Variants in MTG1 observed in about 807,000 individuals in gnomAD.
MTG1 encodes mitochondrial ribosome-associated GTPase 1.
Under a neutral mutation model 39.5 loss-of-function variants are expected in MTG1, and 30 were observed. The observed-to-expected ratio is 0.76, with a 90% CI of 0.57 to 1.03. The LOEUF is 1.03. Among genes scored for constraint, MTG1 ranks in the 50% least tolerant of loss-of-function variants. The pLI is 0.00. For synonymous variants in MTG1, 217 were observed against 179.0 expected, an observed-to-expected ratio of 1.21 and a Z score of -1.69; for missense variants, 513 against 447.4, an observed-to-expected ratio of 1.15 and a Z score of -1.32.
chr10:133,419,429 G>A (rs776243033), intron 9 of MTG1, 51 bp from the exon 10 acceptor site: 13 of 1,491,716 alleles, frequency 8.7e-6, no homozygotes, highest in East Asian at 2.5e-5. Context: ...CTGGCTGGCC[G>A]CGCGGTGTCA....
intron 3 of MTG1, among the ~76,000 whole-genome samples, chr10:133,398,196 TATG>T (rs1057355670): frequency 3.9e-5 from 6 of 152,216 alleles, no homozygotes; most frequent in Admixed American, 3.9e-4. Flanking sequence ...TGTTTAGAAA[TATG>T]ATACTGCTTT....
chr10:133,395,867 G>T, intron 2 of MTG1, 90 bp downstream of exon 2: 1 of 1,338,896 alleles, frequency 7.5e-7, no homozygotes. Context: ...AATATGAATT[G>T]CGAGGCCCCT....
rs544089921 is a variant in MTG1, at chr10:133,407,884, G to A, written c.752+5111G>A. Among the ~76,000 whole-genome samples, 27 of 152,212 alleles carry A rather than the reference G, an allele frequency of 1.8e-4. No individual in the cohort carries two copies. In the South Asian group the frequency reaches 5.0e-3, roughly 28 times the overall value. ...CGTGCCTGGCCTGATTTCTTTTTCCGATTACCTGCTGCTGATTTTTTTATG... is the reference window on the plus strand; with the variant it reads ...CGTGCCTGGCCTGATTTCTTTTTCCAATTACCTGCTGCTGATTTTTTTATG... On this transcript the variant is annotated intron_variant, in intron 9 of 10. Coordinates refer to ENST00000317502, the MANE Select transcript of MTG1 (RefSeq NM_138384.4).
rs771677512 is a variant in MTG1 at position 133,401,545 on chromosome 10, G to T, written c.528G>T (p.Val176=). ...TTCCTACAGGGAAAGCCACCAGGGT[G>T]GGTGGCGAGCCTGGGATCACCAGAG... The part of the protein sequence containing the change: ...QHLRKGKATR[V]GGEPGITRAV... The change falls in exon 7 of 11, where the codon GTG becomes GTT. Residue 176 remains valine, a synonymous_variant. Coordinates refer to ENST00000317502, the MANE Select transcript of MTG1 (RefSeq NM_138384.4). 1 of 1,588,676 alleles carries T rather than the reference G, an allele frequency of 6.3e-7. No homozygotes were observed. The highest frequency in any genetic ancestry group is 8.6e-7 in the Non-Finnish European group (1 of 1,165,496).
intron 9 of MTG1, among the ~76,000 whole-genome samples, chr10:133,404,900 C>T (rs1209378053): frequency 3.3e-5 from 5 of 152,094 alleles, no homozygotes; most frequent in Non-Finnish European, 7.3e-5. Context: ...TCTGTGTGAC[C>T]GACCGTCTTG....
Position 133,402,504 on chromosome 10 carries a change from G to A in MTG1, c.671-188G>A. The A allele has an allele frequency of 1.4e-6, 1 of 694,618 alleles. No individual in the cohort carries two copies. Among genetic ancestry groups the A allele is most frequent in the Non-Finnish European group, 2.4e-6 (1 of 414,238 alleles). 43.0% of individuals were successfully genotyped at this position (694,618 alleles called of 1,614,324 possible). ...ACCAGGGCAGAGAGGTTGGTCGCAGGTGCCAGGCAGGAGTGGGGGCCGGGA... is the reference window on the plus strand; with the variant it reads ...ACCAGGGCAGAGAGGTTGGTCGCAGATGCCAGGCAGGAGTGGGGGCCGGGA... On this transcript the variant is annotated intron_variant, in intron 8 of 10. Coordinates refer to ENST00000317502, the MANE Select transcript of MTG1 (RefSeq NM_138384.4). This position sits in a 1 kb window ranked among gnomAD's most constrained non-coding sequence, Gnocchi z 4.7.
At chr10:133,394,758 G>A in intron 1 of MTG1, 3 of 994,054 alleles carry the variant, frequency 3.0e-6, no homozygotes, top group Non-Finnish European at 3.6e-6. Context: ...AGTTTTAACT[G>A]GTATCTTGAG....
In MTG1 at chr10:133,417,279, A is replaced by G. The variant is rs570171454; in HGVS notation, c.753-2201A>G. Among the ~76,000 whole-genome samples, 1,308 of 151,858 alleles carry G rather than the reference A, an allele frequency of 8.6e-3. 15 individuals carry two copies. Among genetic ancestry groups the G allele is most frequent in the African/African-American group, 0.028 (1,165 of 41,368 alleles). Reference sequence around the variant, plus strand: ...ATAAACAGAACCAAAGACAAAAACCACATGATTATCTCAATAGATGCAGAA... The same window carrying G: ...ATAAACAGAACCAAAGACAAAAACCGCATGATTATCTCAATAGATGCAGAA... On this transcript the variant is annotated intron_variant, in intron 9 of 10. Transcript: ENST00000317502.
rs1490899485 is a variant in MTG1, at chr10:133,416,440, A to G, written c.753-3040A>G. 2.0e-5 allele frequency among the ~76,000 whole-genome samples: 3 copies of G among 151,388 alleles called. No individual in the cohort carries two copies. In the East Asian group the frequency reaches 5.8e-4, roughly 29 times the overall value. Reference sequence around the variant, plus strand: ...TATTATACTTTAAGTTTTAGGGTACATGTGCACAATGTGTAGGTTAGTTAC... The same window carrying G: ...TATTATACTTTAAGTTTTAGGGTACGTGTGCACAATGTGTAGGTTAGTTAC... On this transcript the variant is annotated intron_variant, in intron 9 of 10. Coordinates refer to ENST00000317502, the MANE Select transcript of MTG1 (RefSeq NM_138384.4).
chr10:133,399,194 A>G lies in MTG1; in HGVS notation c.388A>G (p.Ile130Val). Reference protein sequence around the residue: ...KQIIPMVTELIGRSHRYHRKE... With the variant: ...KQIIPMVTELVGRSHRYHRKE... ...GATCATCCCGATGGTCACTGAACTGATTGGGAGAAGCCACCGCTACCACCG... is the reference window on the plus strand; with the variant it reads ...GATCATCCCGATGGTCACTGAACTGGTTGGGAGAAGCCACCGCTACCACCG... Residue 130 changes from isoleucine (I) to valine (V), a missense_variant, in exon 5 of 11, where the codon ATT becomes GTT. Coordinates refer to ENST00000317502, the MANE Select transcript of MTG1 (RefSeq NM_138384.4). 3 of 1,613,916 alleles carry G rather than the reference A, an allele frequency of 1.9e-6. No individual in the cohort carries two copies. Among genetic ancestry groups the G allele is most frequent in the Non-Finnish European group, 2.5e-6 (3 of 1,179,976 alleles).
chr10:133,397,703 C>G (rs904031443), intron 3 of MTG1, among the ~76,000 whole-genome samples: 2 of 151,754 alleles, frequency 1.3e-5, no homozygotes, highest in African/African-American at 2.4e-5. Context: ...TGGTCTCAAT[C>G]TCCTGACCTC....
chr10:133,401,554 G>A lies in MTG1; in HGVS notation c.537G>A (p.Glu179=), dbSNP rs1849876388. 3 of 1,594,834 alleles carry A rather than the reference G, an allele frequency of 1.9e-6. No homozygotes were observed. The highest frequency in any genetic ancestry group is 1.7e-6 in the Non-Finnish European group (2 of 1,168,304). The part of the protein sequence containing the change: ...RKGKATRVGG[E]PGITRAVMSK... The stretch of plus-strand genomic sequence containing the variant: ...GGAAAGCCACCAGGGTGGGTGGCGA[G>A]CCTGGGATCACCAGAGCTGTGATGT... The change falls in exon 7 of 11, where the codon GAG becomes GAA. Residue 179 remains glutamate, a synonymous_variant. Transcript: ENST00000317502.
Position 133,394,217 on chromosome 10 carries a change from C to T in MTG1, c.-4C>T, listed in dbSNP as rs764832276. On this transcript the variant is annotated 5_prime_UTR_variant, in exon 1 of 11. Coordinates refer to ENST00000317502, the MANE Select transcript of MTG1 (RefSeq NM_138384.4). ...GCGGGAGCGTTTCCGGGGACGGTGC[C>T]GCCATGAGATTGACCCCGCGCGCGC... The T allele has an allele frequency of 5.9e-6, 9 of 1,514,496 alleles. 1 individual carries two copies. The South Asian group carries it at 8.5e-5, about 14-fold the overall frequency. 93.8% of individuals were successfully genotyped at this position (1,514,496 alleles called of 1,614,324 possible).
intron 9 of MTG1, among the ~76,000 whole-genome samples, chr10:133,410,182 C>G (rs573207204): frequency 6.6e-5 from 10 of 152,186 alleles, no homozygotes; most frequent in African/African-American, 2.4e-4. Flanking sequence ...ATAGTTAGGA[C>G]TACAGGCGTG....
rs1378272864 is a variant in MTG1 at position 133,414,025 on chromosome 10, C to G, written c.753-5455C>G. ...GAAGGTCAGCAGATAAACAAGTGAACGAAGGTCTCTGGTTTTCCTAGGCAG... is the reference window on the plus strand; with the variant it reads ...GAAGGTCAGCAGATAAACAAGTGAAGGAAGGTCTCTGGTTTTCCTAGGCAG... On this transcript the variant is annotated intron_variant, in intron 9 of 10. Transcript: ENST00000317502. Among the ~76,000 whole-genome samples the G allele has an allele frequency of 6.7e-5, 10 of 148,324 alleles. No individual in the cohort carries two copies. The East Asian group carries it at 1.8e-3, about 26-fold the overall frequency.
Position 133,394,193 on chromosome 10 carries a change from C to T in MTG1, c.-28C>T, listed in dbSNP as rs1452189321. 12 of 1,491,852 alleles carry T rather than the reference C, an allele frequency of 8.0e-6. No homozygotes were observed. Among genetic ancestry groups the T allele is most frequent in the Non-Finnish European group, 9.0e-6 (10 of 1,117,076 alleles). The allele number at this position is 1,491,852 out of a possible 1,614,324, so 92.4% of individuals were successfully genotyped here. A position where few individuals can be genotyped will look rare whatever the true frequency, so the allele number is the denominator to read the frequency against. On this transcript the variant is annotated 5_prime_UTR_variant, in exon 1 of 11. Coordinates refer to ENST00000317502, the MANE Select transcript of MTG1 (RefSeq NM_138384.4). The stretch of plus-strand genomic sequence containing the variant: ...GCAGCGGCGCAGAGGAGGTCAGCTG[C>T]GGGAGCGTTTCCGGGGACGGTGCCG...
chr10:133,395,862 G>T, intron 2 of MTG1, 85 bp downstream of exon 2: 1 of 1,371,926 alleles, frequency 7.3e-7, no homozygotes, highest in South Asian at 1.2e-5. Flanking sequence ...TTAAAAATAT[G>T]AATTGCGAGG....
chr10:133,415,686 G>GT (rs1223298067), intron 9 of MTG1, among the ~76,000 whole-genome samples: 1 of 152,200 alleles, frequency 6.6e-6, no homozygotes, highest in African/African-American at 2.4e-5. Context: ...CCTTGGTATG[G>GT]TTTTCTATGT....
At chr10:133,419,706 G>C in intron 10 of MTG1, 114 bp downstream of exon 10, 2 of 884,150 alleles carry the variant, frequency 2.3e-6, no homozygotes, top group Admixed American at 4.4e-5. Flanking sequence ...CATGCGCCGG[G>C]TCTTCTGGGA....
Sources: gnomAD v4.1 joint callset for allele counts (sites outside exome capture counted in the v4.1 genomes callset) on GRCh38, gnomAD v4.1.1 for gene constraint, Gnocchi (gnomAD v3.1) non-coding constraint, MANE v1.5 for transcripts, NCBI Gene and HGNC (gene_info 2026-07-23, HGNC 2026-07-21) for gene names.